Variants in PITPNC1 observed in about 807,000 individuals in gnomAD.
The protein encoded by PITPNC1 is cytoplasmic phosphatidylinositol transfer protein 1.
A neutral mutation model predicts 44.7 loss-of-function variants in PITPNC1; 18 were observed. That is an observed-to-expected ratio of 0.40 (90% CI 0.28 to 0.60). The LOEUF is 0.60. PITPNC1 is among the 20% of genes least tolerant of loss of function. The probability of loss-of-function intolerance (pLI) is 0.39; values close to 1 mark genes in which losing one functional copy is unlikely to be tolerated. For missense variants in PITPNC1, 290 were observed against 418.4 expected (o/e 0.69, Z 2.68); for synonymous variants, 141 against 149.6 (o/e 0.94, Z 0.42).
At position 67,431,647 on chromosome 17, in the gene PITPNC1, G is replaced by A. The variant is rs534570604; in HGVS notation, c.48+53445G>A. On this transcript the variant is annotated intron_variant, in intron 1 of 8. Coordinates refer to ENST00000581322, the MANE Select transcript of PITPNC1 (RefSeq NM_012417.4). ...TCATGTGCCTTCTGTTTAATTACACGGTAATTTGTAAAAGAGACTGGTTTC... is the reference window on the plus strand; with the variant it reads ...TCATGTGCCTTCTGTTTAATTACACAGTAATTTGTAAAAGAGACTGGTTTC... Among the ~76,000 whole-genome samples the A allele has an allele frequency of 6.6e-5, 10 of 152,204 alleles. 1 individual carries two copies. Among genetic ancestry groups the A allele is most frequent in the South Asian group, 6.2e-4 (3 of 4,818 alleles).
At chr17:67,527,362 G>T (rs1437893982) in intron 1 of PITPNC1, among the ~76,000 whole-genome samples, 2 of 152,316 alleles carry the variant, frequency 1.3e-5, no homozygotes, top group East Asian at 3.9e-4. Context: ...CTGCAACTCA[G>T]CTTCCTCGTC....
At chr17:67,650,115 G>A (rs2042193572) in intron 6 of PITPNC1, among the ~76,000 whole-genome samples, 1 of 152,196 alleles carries the variant, frequency 6.6e-6, no homozygotes, top group Admixed American at 6.5e-5. Flanking sequence ...ACCTGTGTAT[G>A]TGATCTGAAG....
At position 67,445,393 on chromosome 17, in the gene PITPNC1, A is replaced by C. The variant is rs186968442; in HGVS notation, c.48+67191A>C. Among the ~76,000 whole-genome samples the C allele has an allele frequency of 2.2e-3, 336 of 152,154 alleles. 7 individuals are homozygous for C. Among genetic ancestry groups the C allele is most frequent in the Admixed American group, 3.8e-3 (58 of 15,240 alleles). ...GCTTCTTCCTCAATTCAGCATGTCA[A>C]AGCGCCATATTTTGGGATACCGCTT... is the stretch of plus-strand genomic sequence containing the variant. On this transcript the variant is annotated intron_variant, in intron 1 of 8. Coordinates refer to ENST00000581322, the MANE Select transcript of PITPNC1 (RefSeq NM_012417.4).
chr17:67,631,591 T>C lies in PITPNC1; in HGVS notation c.367-552T>C, dbSNP rs1405503799. ...TTGCAGTGAGCCGGGATAGCGCCAC[T>C]GCAGTCCAGCTTGGGCGAAAGAGTG... is the stretch of plus-strand genomic sequence containing the variant. On this transcript the variant is annotated intron_variant, in intron 5 of 8. Transcript: ENST00000581322. Among the ~76,000 whole-genome samples, 8 of 95,522 alleles carry C rather than the reference T, an allele frequency of 8.4e-5. No homozygotes were observed. In the Admixed American group the frequency reaches 1.1e-3, roughly 14 times the overall value. 62.7% of individuals were successfully genotyped at this position (95,522 alleles called of 152,430 possible). A position where few individuals can be genotyped will look rare whatever the true frequency, so the allele number is the denominator to read the frequency against.
At chr17:67,392,942 A>G (rs1168887428) in intron 1 of PITPNC1, among the ~76,000 whole-genome samples, 1 of 152,128 alleles carries the variant, frequency 6.6e-6, no homozygotes, top group East Asian at 1.9e-4. Flanking sequence ...GAGTTGGCCA[A>G]CATGGTGAAA....
Position 67,669,505 on chromosome 17 carries a change from TAGG to T in PITPNC1, c.463-1_464del. ...TCAATTTCTTTGATTTTTTTTTTTC[TAGG>T]ATCCTAAGCACTTCAAGTCAGAGAA... On this transcript the variant is annotated splice_acceptor_variant and coding_sequence_variant, in exon 7 of 9. Transcript: ENST00000581322. LOFTEE classifies it high-confidence loss of function. 1 of 1,554,776 alleles carries T rather than the reference TAGG, an allele frequency of 6.4e-7. No individual in the cohort carries two copies. Among genetic ancestry groups the T allele is most frequent in the Admixed American group, 2.1e-5 (1 of 47,238 alleles).
chr17:67,538,931 T>TA lies in PITPNC1; in HGVS notation c.197+5991dup, dbSNP rs928461266. 4.5e-3 allele frequency among the ~76,000 whole-genome samples: 645 copies of TA among 143,882 alleles called. 11 individuals are homozygous for TA. The highest frequency in any genetic ancestry group is 3.5e-3 in the Admixed American group (50 of 14,330). The allele number at this position is 143,882 out of a possible 152,430, so 94.4% of individuals were successfully genotyped here. A position where few individuals can be genotyped will look rare whatever the true frequency, so the allele number is the denominator to read the frequency against. ...CAAGACCAAGGACTAGTATTTAATT[T>TA]AAAAAAAAAAGAAAAACTCTTATAG... On this transcript the variant is annotated intron_variant, in intron 2 of 8. Coordinates refer to ENST00000581322, the MANE Select transcript of PITPNC1 (RefSeq NM_012417.4).
chr17:67,452,679 G>C (rs975646142), intron 1 of PITPNC1, among the ~76,000 whole-genome samples: 2 of 152,086 alleles, frequency 1.3e-5, no homozygotes, highest in African/African-American at 2.4e-5. Context: ...TTTTAGTAGA[G>C]ACAGGGTTTC....
chr17:67,691,906 C>T (rs1256116274), intron 8 of PITPNC1, among the ~76,000 whole-genome samples: 1 of 151,816 alleles, frequency 6.6e-6, no homozygotes, highest in Non-Finnish European at 1.5e-5. Flanking sequence ...CCTCACGGGG[C>T]CCTAATGCAG....
chr17:67,508,634 T>C lies in PITPNC1; in HGVS notation c.49-24168T>C, dbSNP rs2144083934. Among the ~76,000 whole-genome samples, 1 of 152,342 alleles carries C rather than the reference T, an allele frequency of 6.6e-6. No homozygotes were observed. Among genetic ancestry groups the C allele is most frequent in the South Asian group, 2.1e-4 (1 of 4,828 alleles). On this transcript the variant is annotated intron_variant, in intron 1 of 8. Transcript: ENST00000581322. This position sits in a 1 kb window ranked among gnomAD's most constrained non-coding sequence, Gnocchi z 4.2. ...AGCCCAGTAGATCTCAGCCTCATTTTACTCAGCCCCTATTCAAGATGGAGT... is the reference window on the plus strand; with the variant it reads ...AGCCCAGTAGATCTCAGCCTCATTTCACTCAGCCCCTATTCAAGATGGAGT...
intron 1 of PITPNC1, among the ~76,000 whole-genome samples, chr17:67,485,250 T>C (rs554914984): frequency 1.3e-4 from 20 of 152,176 alleles, no homozygotes; most frequent in African/African-American, 4.6e-4. Context: ...GGGAAAAGCA[T>C]GGAGCATGCT....
chr17:67,615,394 G>C (rs948568241), intron 5 of PITPNC1, among the ~76,000 whole-genome samples: 1 of 152,154 alleles, frequency 6.6e-6, no homozygotes, highest in Non-Finnish European at 1.5e-5. Flanking sequence ...ACCTCGGGAC[G>C]CTTGCTTGGT....
In PITPNC1 at chr17:67,518,718, TG is replaced by T. The variant is rs200964911; in HGVS notation, c.49-14081del. On this transcript the variant is annotated intron_variant, in intron 1 of 8. Coordinates refer to ENST00000581322, the MANE Select transcript of PITPNC1 (RefSeq NM_012417.4). ...GCTCACACCTGTAATCCCAATACTTTGGGAGGCTGAGGCAGGAGGATCAGTT... is the reference window on the plus strand; with the variant it reads ...GCTCACACCTGTAATCCCAATACTTTGGAGGCTGAGGCAGGAGGATCAGTT... Among the ~76,000 whole-genome samples, 164 of 152,322 alleles carry T rather than the reference TG, an allele frequency of 1.1e-3. No homozygotes were observed. The East Asian group carries it at 0.021, about 20-fold the overall frequency.
At chr17:67,608,949 A>G (rs2144288980) in intron 5 of PITPNC1, among the ~76,000 whole-genome samples, 2 of 152,238 alleles carry the variant, frequency 1.3e-5, no homozygotes, top group East Asian at 3.9e-4. Flanking sequence ...TGTATTAGCA[A>G]TACTGAGTCA....
At chr17:67,385,545 CTT>C (rs994975052) in intron 1 of PITPNC1, among the ~76,000 whole-genome samples, 13 of 145,672 alleles carry the variant, frequency 8.9e-5, no homozygotes, top group Non-Finnish European at 1.7e-4. Flanking sequence ...GCTGTTCACT[CTT>C]TTGCTGTTCA....
At chr17:67,490,077 C>T (rs1359384402) in intron 1 of PITPNC1, among the ~76,000 whole-genome samples, 1 of 151,758 alleles carries the variant, frequency 6.6e-6, no homozygotes, top group Non-Finnish European at 1.5e-5. Context: ...TTGTACATCT[C>T]AGCCCAAGGT....
intron 5 of PITPNC1, among the ~76,000 whole-genome samples, chr17:67,621,182 TTTTA>T (rs879648880): frequency 7.9e-6 from 1 of 126,790 alleles, no homozygotes; most frequent in Non-Finnish European, 1.5e-5. Flanking sequence ...CTGAAGCACA[TTTTA>T]TTTTATTTTA....
At chr17:67,609,606 G>C (rs1311667622) in intron 5 of PITPNC1, among the ~76,000 whole-genome samples, 1 of 151,870 alleles carries the variant, frequency 6.6e-6, no homozygotes, top group African/African-American at 2.4e-5. Context: ...GTTCTTCTAA[G>C]CACTGGAGAA....
At chr17:67,414,963 C>G (rs548901937) in intron 1 of PITPNC1, among the ~76,000 whole-genome samples, 2 of 152,090 alleles carry the variant, frequency 1.3e-5, no homozygotes, top group Admixed American at 6.5e-5. Flanking sequence ...TCACTGCAAC[C>G]TCTGCCTCCT....
Sources: gnomAD v4.1 joint callset for allele counts (sites outside exome capture counted in the v4.1 genomes callset) on GRCh38, gnomAD v4.1.1 for gene constraint, Gnocchi (gnomAD v3.1) non-coding constraint, MANE v1.5 for transcripts, NCBI Gene and HGNC (gene_info 2026-07-23, HGNC 2026-07-21) for gene names.